Variants in SETD9 observed in about 807,000 individuals in gnomAD.
SETD9 encodes SET domain containing 9.
A neutral mutation model predicts 36.4 loss-of-function variants in SETD9; 37 were observed. That is an observed-to-expected ratio of 1.02 (90% CI 0.78 to 1.34). SETD9 has a LOEUF of 1.34. Ranked by LOEUF, SETD9 falls within the 40% of genes most tolerant of loss-of-function variation. The pLI is 0.00. For missense variants in SETD9, 323 were observed against 353.2 expected (o/e 0.91, Z 0.69); for synonymous variants, 128 against 132.9 (o/e 0.96, Z 0.26).
At chr5:56,923,107 G>C in intron 5 of SETD9, 1 of 1,605,454 alleles carries the variant, frequency 6.2e-7, no homozygotes, top group Non-Finnish European at 8.5e-7. Context: ...TGCACACGCA[G>C]TTCCGGGATC....
chr5:56,911,873 G>A (rs1479190722), intron 2 of SETD9, among the ~76,000 whole-genome samples: 1 of 152,100 alleles, frequency 6.6e-6, no homozygotes, highest in Non-Finnish European at 1.5e-5. Context: ...GATAGCTAAG[G>A]ATAAAAATGG....
At chr5:56,915,009 G>T in intron 5 of SETD9, 43 bp downstream of exon 5, 3 of 1,364,672 alleles carry the variant, frequency 2.2e-6, no homozygotes, top group Non-Finnish European at 3.0e-6. Flanking sequence ...TGCTTATGCT[G>T]TACTTAAAAA....
chr5:56,919,275 G>A (rs535834180), downstream of SETD9, among the ~76,000 whole-genome samples: 3 of 152,030 alleles, frequency 2.0e-5, 1 homozygote, highest in South Asian at 6.2e-4. Context: ...ACAGGCATGC[G>A]CCACCTCGCT....
At chr5:56,915,230 A>T (rs553994288) in intron 5 of SETD9, among the ~76,000 whole-genome samples, 1 of 152,156 alleles carries the variant, frequency 6.6e-6, no homozygotes, top group African/African-American at 2.4e-5. Context: ...AGTTTTTTCA[A>T]ATAATTCTGT....
intron 4 of SETD9, 33 bp downstream of exon 4, chr5:56,914,022 T>G: frequency 6.9e-7 from 1 of 1,443,552 alleles, no homozygotes; most frequent in Non-Finnish European, 9.8e-7. Flanking sequence ...TGAGATGAGA[T>G]ATATCAATGG....
chr5:56,909,353 A>C, upstream of SETD9: 2 of 300,944 alleles, frequency 6.6e-6, no homozygotes, highest in East Asian at 6.2e-5. Context: ...TTCGCCCGCA[A>C]CCAGGGCTAG....
At chr5:56,913,804 C>G in intron 3 of SETD9, 70 bp from the exon 4 acceptor site, 8 of 721,444 alleles carry the variant, frequency 1.1e-5, no homozygotes, top group Non-Finnish European at 1.7e-5. Flanking sequence ...TGGTGTAATT[C>G]TAGGGTTTTG....
chr5:56,919,503 C>T (rs1362363078), downstream of SETD9: 4 of 152,040 alleles, frequency 2.6e-5, no homozygotes, highest in Non-Finnish European at 5.9e-5. Flanking sequence ...CATCTAAAAC[C>T]AATTTAACAG....
chr5:56,919,469 A>G (rs1238403599), downstream of SETD9: 1 of 152,154 alleles, frequency 6.6e-6, no homozygotes, highest in Non-Finnish European at 1.5e-5. Flanking sequence ...CAACTTCACT[A>G]TCTATCATAT....
At chr5:56,918,291 T>TAAAC, downstream of SETD9, among the ~76,000 whole-genome samples, 1 of 152,232 alleles carries the variant, frequency 6.6e-6, no homozygotes, top group East Asian at 1.9e-4. Flanking sequence ...TCTCTGCCTG[T>TAAAC]AAACATCTTC....
chr5:56,920,244 G>C (rs1749604950), downstream of SETD9: 1 of 152,466 alleles, frequency 6.6e-6, no homozygotes, highest in African/African-American at 2.4e-5. Context: ...ACCATGACAA[G>C]AGGAAAACTA....
In SETD9 at chr5:56,911,266, A is replaced by G; in HGVS notation, c.196A>G (p.Asn66Asp). The change falls in exon 2 of 6, where the codon AAT becomes GAT. Residue 66 changes from asparagine to aspartate, a missense_variant. Transcript: ENST00000285947. ...LLKVFQALFL[N>D]DFNKQSEILS... ...GAAAGTTTTCCAGGCTCTATTCTTA[A>G]ATGATTTCAATAAACAATCAGAAAT... is the stretch of plus-strand genomic sequence containing the variant. The G allele has an allele frequency of 6.2e-7, 1 of 1,610,692 alleles. No individual in the cohort carries two copies. The highest frequency in any genetic ancestry group is 8.5e-7 in the Non-Finnish European group (1 of 1,178,788).
intron 5 of SETD9, chr5:56,923,239 A>T (rs761774332): frequency 1.2e-6 from 2 of 1,614,122 alleles, no homozygotes; most frequent in Non-Finnish European, 1.7e-6. Flanking sequence ...CCATTTTGGC[A>T]CTGGTGATGT....
downstream of SETD9, among the ~76,000 whole-genome samples, chr5:56,918,342 C>A (rs1446617475): frequency 1.3e-5 from 2 of 152,196 alleles, no homozygotes; most frequent in Admixed American, 1.3e-4. Context: ...CTTCCTGTCA[C>A]CTCAGTGAGG....
At chr5:56,910,103 T>A in intron 1 of SETD9, 1 of 1,249,742 alleles carries the variant, frequency 8.0e-7, no homozygotes. Context: ...TGTTCTTCCC[T>A]GTTGCGTTCG....
At chr5:56,924,047 TG>T in intron 5 of SETD9, 1 of 1,584,672 alleles carries the variant, frequency 6.3e-7, no homozygotes, top group Non-Finnish European at 8.5e-7. Flanking sequence ...TCTCACCTAA[TG>T]AAAAAGTTGA....
downstream of SETD9, chr5:56,919,519 T>A (rs1256273967): frequency 6.6e-6 from 1 of 152,246 alleles, no homozygotes; most frequent in Admixed American, 6.5e-5. Flanking sequence ...AACAGTGGTA[T>A]AATATCTATC....
At chr5:56,911,922 A>T (rs1035683511) in intron 2 of SETD9, among the ~76,000 whole-genome samples, 1 of 152,188 alleles carries the variant, frequency 6.6e-6, no homozygotes, top group Non-Finnish European at 1.5e-5. Flanking sequence ...GCACTTTGGG[A>T]GGCCGAGGCG....
At chr5:56,910,444 C>G (rs566168061) in intron 1 of SETD9, 1 of 1,263,306 alleles carries the variant, frequency 7.9e-7, no homozygotes, top group African/African-American at 1.6e-5. Flanking sequence ...AGCTCAACAC[C>G]GTGCTCACCA....
Sources: allele counts gnomAD v4.1 joint callset (sites outside exome capture counted in the v4.1 genomes callset), GRCh38; gene constraint gnomAD v4.1.1; transcripts MANE v1.5; gene names NCBI Gene and HGNC (gene_info 2026-07-23, HGNC 2026-07-21).